The following LRIG2 variants were observed in gnomAD, a reference collection of about 807,000 sequenced individuals.
The protein encoded by LRIG2 is leucine rich repeats and immunoglobulin like domains 2, also known as leucine-rich repeats and immunoglobulin-like domains protein 2.
A neutral mutation model predicts 107.8 loss-of-function variants in LRIG2; 93 were observed. That is an observed-to-expected ratio of 0.86 (90% CI 0.73 to 1.03). LRIG2 has a LOEUF of 1.03. LRIG2 is among the 50% of genes least tolerant of loss of function. The pLI, the probability that LRIG2 is intolerant of heterozygous loss-of-function variation, is 0.00. For synonymous variants in LRIG2, 471 were observed against 470.6 expected, an observed-to-expected ratio of 1.00 and a Z score of -0.01; for missense variants, 1,226 against 1,296.0, an observed-to-expected ratio of 0.95 and a Z score of 0.83.
At chr1:113,101,076 T>A (rs918319810) in intron 11 of LRIG2, among the ~76,000 whole-genome samples, 14 of 151,996 alleles carry the variant, frequency 9.2e-5, no homozygotes, top group African/African-American at 3.1e-4. Flanking sequence ...ATTTATATAT[T>A]TTTATATATT....
In LRIG2 at chr1:113,128,990, G is replaced by C. The variant is rs1655594154; in HGVS notation, c.*4889G>C. On this transcript the variant is annotated 3_prime_UTR_variant, in exon 18 of 18. Coordinates refer to ENST00000361127, the MANE Select transcript of LRIG2 (RefSeq NM_014813.3). ...TGAGCATCACCCGTCATGTGTGAGA[G>C]AGCAGAAGATAGCCTGTGAGCCAGT... The C allele has an allele frequency of 6.6e-6, 1 of 152,148 alleles. No individual in the cohort carries two copies. The highest frequency in any genetic ancestry group is 2.1e-4 in the South Asian group (1 of 4,816). 9.4% of individuals were successfully genotyped at this position (152,148 alleles called of 1,614,324 possible). A position where few individuals can be genotyped will look rare whatever the true frequency, so the allele number is the denominator to read the frequency against.
Position 113,079,462 on chromosome 1 carries a change from A to C in LRIG2, c.239+5817A>C, listed in dbSNP as rs144531978. Among the ~76,000 whole-genome samples, 564 of 151,658 alleles carry C rather than the reference A, an allele frequency of 3.7e-3. 8 individuals carry two copies. The highest frequency in any genetic ancestry group is 0.013 in the African/African-American group (534 of 41,434). On this transcript the variant is annotated intron_variant, in intron 1 of 17. Transcript: ENST00000361127. ...CACTTTGGGAGGCAGAGGCGGGTACATCACGAGGTCAGGAGTTTGAGATCA... is the reference window on the plus strand; with the variant it reads ...CACTTTGGGAGGCAGAGGCGGGTACCTCACGAGGTCAGGAGTTTGAGATCA...
intron 12 of LRIG2, among the ~76,000 whole-genome samples, chr1:113,109,083 CCATT>C (rs1654661896): frequency 6.6e-6 from 1 of 152,130 alleles, no homozygotes; most frequent in African/African-American, 2.4e-5. Flanking sequence ...CAAAATACAT[CCATT>C]GTTTTTTACA....
At chr1:113,112,406 C>A in intron 13 of LRIG2, 73 bp from the exon 14 acceptor site, 1 of 1,367,792 alleles carries the variant, frequency 7.3e-7, no homozygotes, top group Non-Finnish European at 1.0e-6. Flanking sequence ...TAGATTCTTT[C>A]ATGCCTATTT....
chr1:113,107,363 T>A (rs1292155241), intron 11 of LRIG2, among the ~76,000 whole-genome samples: 1 of 152,210 alleles, frequency 6.6e-6, no homozygotes, highest in African/African-American at 2.4e-5. Flanking sequence ...TCTTTAGTCG[T>A]CTTCAAAACA....
intron 1 of LRIG2, among the ~76,000 whole-genome samples, chr1:113,088,797 C>T (rs1322574762): frequency 1.3e-5 from 2 of 152,204 alleles, no homozygotes; most frequent in South Asian, 2.1e-4. Context: ...CAACAAAAAA[C>T]ATCTTTTCAC....
chr1:113,091,439 ATTGTGAT>A, intron 2 of LRIG2, 56 bp downstream of exon 2: 1 of 1,172,992 alleles, frequency 8.5e-7, no homozygotes, highest in Admixed American at 2.2e-5. Context: ...AACTTAATAA[ATTGTGAT>A]TTGTGGGATG....
Position 113,095,932 on chromosome 1 carries a change from A to C in LRIG2, c.862A>C (p.Met288Leu). The C allele has an allele frequency of 6.2e-7, 1 of 1,614,208 alleles. No individual in the cohort carries two copies. The highest frequency in any genetic ancestry group is 1.3e-5 in the African/African-American group (1 of 75,060). ...VNKGWLYGLR[M>L]LQQLYVSQNA... ...CAAGGGGTGGTTGTATGGCTTGCGA[A>C]TGTTACAGCAGCTCTATGTGAGCCA... The change falls in exon 7 of 18, where the codon ATG becomes CTG. Residue 288 changes from methionine (M) to leucine (L), a missense_variant. Physicochemically the swap from Met to Leu is conservative, Grantham distance 15. Transcript: ENST00000361127.
At chr1:113,115,846 C>T (rs1654985262) in intron 15 of LRIG2, among the ~76,000 whole-genome samples, 1 of 152,148 alleles carries the variant, frequency 6.6e-6, no homozygotes, top group South Asian at 2.1e-4. Flanking sequence ...TCTAAAAACG[C>T]ATTACAGATG....
rs536861970 is a variant in LRIG2 at position 113,131,326 on chromosome 1, T to C, written c.*7225T>C. The C allele has an allele frequency of 6.6e-6, 1 of 152,314 alleles. No homozygotes were observed. The highest frequency in any genetic ancestry group is 1.5e-5 in the Non-Finnish European group (1 of 68,016). 9.4% of individuals were successfully genotyped at this position (152,314 alleles called of 1,614,324 possible). A position where few individuals can be genotyped will look rare whatever the true frequency, so the allele number is the denominator to read the frequency against. On this transcript the variant is annotated 3_prime_UTR_variant, in exon 18 of 18. Transcript: ENST00000361127. ...GTGGCATTCAGTTTTATACCAATAT[T>C]TTACCCAAGTGTGTCATGGCCTTTT...
intron 11 of LRIG2, among the ~76,000 whole-genome samples, chr1:113,104,813 C>T (rs1169107222): frequency 6.6e-6 from 1 of 152,116 alleles, no homozygotes; most frequent in Non-Finnish European, 1.5e-5. Context: ...TACTGAATGC[C>T]TCCAAAATCT....
chr1:113,106,661 C>A (rs547931670), intron 11 of LRIG2, among the ~76,000 whole-genome samples: 3 of 151,964 alleles, frequency 2.0e-5, no homozygotes, highest in Non-Finnish European at 4.4e-5. Context: ...CCATCCACCA[C>A]GCCCAGCTAA....
Position 113,131,607 on chromosome 1 carries a change from A to G in LRIG2, c.*7506A>G, listed in dbSNP as rs927734020. 1 of 151,766 alleles carries G rather than the reference A, an allele frequency of 6.6e-6. No individual in the cohort carries two copies. The highest frequency in any genetic ancestry group is 2.1e-4 in the South Asian group (1 of 4,804). The allele number at this position is 151,766 out of a possible 1,614,324, so 9.4% of individuals were successfully genotyped here. On this transcript the variant is annotated 3_prime_UTR_variant, in exon 18 of 18. Transcript: ENST00000361127. ...GCAGATGTTTTTTCCCCCTTTTTCT[A>G]CCTTAAACTTTTTTGTTTGGAGTAC...
At position 113,110,439 on chromosome 1, in the gene LRIG2, C is replaced by T. The variant is rs772784496; in HGVS notation, c.1675C>T (p.Leu559=). ...VRYWQQAGEA[L]EYTSILHLFN... ...TTATTGGCAGCAAGCTGGAGAAGCT[C>T]TGGAATATACTAGTATCTTACATCT... The change falls in exon 13 of 18, where the codon CTG becomes TTG. Residue 559 remains leucine, a synonymous_variant. Transcript: ENST00000361127. The T allele has an allele frequency of 6.2e-7, 1 of 1,614,008 alleles. No homozygotes were observed. Among genetic ancestry groups the T allele is most frequent in the Non-Finnish European group, 8.5e-7 (1 of 1,179,880 alleles).
At chr1:113,075,227 T>C (rs865965081) in intron 1 of LRIG2, among the ~76,000 whole-genome samples, 1 of 147,606 alleles carries the variant, frequency 6.8e-6, no homozygotes, top group South Asian at 2.2e-4. Context: ...AAAAAAAGAG[T>C]CATCACTAAA....
At position 113,128,235 on chromosome 1, in the gene LRIG2, A is replaced by G. The variant is rs979695943; in HGVS notation, c.*4134A>G. 1 of 152,074 alleles carries G rather than the reference A, an allele frequency of 6.6e-6. No individual in the cohort carries two copies. The allele number at this position is 152,074 out of a possible 1,614,324, so 9.4% of individuals were successfully genotyped here. The stretch of plus-strand genomic sequence containing the variant: ...TGCCACACCTTTTTATGTCTTTACT[A>G]TGTCAGCCTCTGATCATTTTCACTT... On this transcript the variant is annotated 3_prime_UTR_variant, in exon 18 of 18. Transcript: ENST00000361127.
At chr1:113,098,964 T>C (rs563391023) in intron 9 of LRIG2, among the ~76,000 whole-genome samples, 179 bp downstream of exon 9, 1 of 152,284 alleles carries the variant, frequency 6.6e-6, no homozygotes, top group East Asian at 1.9e-4. Flanking sequence ...TGAGTCTCAC[T>C]CTGTATCCCA....
At chr1:113,088,973 C>T (rs1653676746) in intron 1 of LRIG2, among the ~76,000 whole-genome samples, 1 of 152,140 alleles carries the variant, frequency 6.6e-6, no homozygotes, top group African/African-American at 2.4e-5. Context: ...TACCTTGTGC[C>T]AGACATCTTG....
intron 15 of LRIG2, 73 bp downstream of exon 15, chr1:113,114,949 A>G (rs1654942541): frequency 7.8e-7 from 1 of 1,285,942 alleles, no homozygotes; most frequent in East Asian, 2.3e-5. Flanking sequence ...ATTGTACAAT[A>G]TAAAAAACTG....
Sources: allele counts gnomAD v4.1 joint callset (sites outside exome capture counted in the v4.1 genomes callset), GRCh38; gene constraint gnomAD v4.1.1; transcripts MANE v1.5; gene names NCBI Gene and HGNC (gene_info 2026-07-23, HGNC 2026-07-21).